Variants in ZNF589 observed in about 807,000 individuals in gnomAD.
ZNF589 encodes zinc finger protein 589.
Under a neutral mutation model 13.6 loss-of-function variants are expected in ZNF589, and 17 were observed. That is an observed-to-expected ratio of 1.25 (90% CI 0.86 to 1.88). The LOEUF (loss-of-function observed/expected upper bound fraction) is 1.88, where lower values mean the gene tolerates loss of function less well. ZNF589 is among the 40% of genes most tolerant of loss of function. ZNF589 has a pLI of 0.00. For missense variants in ZNF589, 407 were observed against 434.0 expected, an observed-to-expected ratio of 0.94 and a Z score of 0.55; for synonymous variants, 148 against 161.6, an observed-to-expected ratio of 0.92 and a Z score of 0.64.
chr3:48,247,623 A>G lies in ZNF589; in HGVS notation c.44-2A>G, dbSNP rs1453932218. 3.7e-6 allele frequency: 6 copies of G among 1,611,934 alleles called. No individual in the cohort carries two copies. The South Asian group carries it at 4.4e-5, about 12-fold the overall frequency. ...CTCAAGGTTGCTTCTTTCTTTCCCCAGCTCTGCCTGCCAAGGATTCTGCCT... is the reference window on the plus strand; with the variant it reads ...CTCAAGGTTGCTTCTTTCTTTCCCCGGCTCTGCCTGCCAAGGATTCTGCCT... On this transcript the variant is annotated splice_acceptor_variant, in intron 1 of 3. Coordinates refer to ENST00000354698, the MANE Select transcript of ZNF589 (RefSeq NM_016089.3). LOFTEE classifies it high-confidence loss of function.
rs187387684 is a variant in ZNF589, at chr3:48,250,089, C to T, written c.96+2412C>T. Among the ~76,000 whole-genome samples, 62 of 151,276 alleles carry T rather than the reference C, an allele frequency of 4.1e-4. No individual in the cohort carries two copies. In the East Asian group the frequency reaches 0.011, roughly 27 times the overall value. On this transcript the variant is annotated intron_variant, in intron 2 of 3. Coordinates refer to ENST00000354698, the MANE Select transcript of ZNF589 (RefSeq NM_016089.3). ...GTTGCAGTGAGCCGAGATCGAGCCA[C>T]TGCACTCCAGCCCAGGTGACAGAGC...
intron 2 of ZNF589, among the ~76,000 whole-genome samples, chr3:48,257,266 GTTTT>G (rs1368694165): frequency 7.3e-5 from 11 of 151,640 alleles, no homozygotes; most frequent in Non-Finnish European, 1.5e-4. Flanking sequence ...TTTGTTTTTT[GTTTT>G]TTGTTTTGAG....
chr3:48,247,511 T>A, intron 1 of ZNF589, 114 bp from the exon 2 acceptor site: 2 of 1,081,538 alleles, frequency 1.8e-6, no homozygotes, highest in Non-Finnish European at 2.7e-6. Flanking sequence ...GCTCAGGGTC[T>A]GGGTCAGCTG....
rs1473514994 is a variant in ZNF589, at chr3:48,270,163, C to T, written c.*1377C>T. The T allele has an allele frequency of 2.2e-6, 1 of 457,078 alleles. No homozygotes were observed. Among genetic ancestry groups the T allele is most frequent in the Non-Finnish European group, 4.4e-6 (1 of 227,038 alleles). 28.3% of individuals were successfully genotyped at this position (457,078 alleles called of 1,614,324 possible). ...TCTACATCTCTAGCCTTTGCTGTTT[C>T]CTCTCCTACCCCACCTTTAGATTTT... On this transcript the variant is annotated 3_prime_UTR_variant, in exon 4 of 4. Transcript: ENST00000354698.
At chr3:48,257,204 C>G (rs2033912968) in intron 2 of ZNF589, among the ~76,000 whole-genome samples, 1 of 151,968 alleles carries the variant, frequency 6.6e-6, no homozygotes, top group Non-Finnish European at 1.5e-5. Context: ...GCTTTGTGTT[C>G]TGGAAGAGAT....
In ZNF589 at chr3:48,245,790, T is replaced by A. The variant is rs180936148; in HGVS notation, c.44-1835T>A. Among the ~76,000 whole-genome samples, 142 of 150,280 alleles carry A rather than the reference T, an allele frequency of 9.4e-4. 5 individuals carry two copies. In the East Asian group the frequency reaches 0.025, roughly 27 times the overall value. The stretch of plus-strand genomic sequence containing the variant: ...GGTGAAACCCTGTCTCTACCAAAAA[T>A]ACGAAAATTAGCCAGGCATGGTGGC... On this transcript the variant is annotated intron_variant, in intron 1 of 3. Transcript: ENST00000354698.
At chr3:48,261,252 C>A (rs1276390031) in intron 3 of ZNF589, among the ~76,000 whole-genome samples, 1 of 152,044 alleles carries the variant, frequency 6.6e-6, no homozygotes, top group Non-Finnish European at 1.5e-5. Context: ...ACTGGCTGAA[C>A]TTTTAAATTG....
At chr3:48,251,231 A>G (rs1196727107) in intron 2 of ZNF589, among the ~76,000 whole-genome samples, 1 of 152,064 alleles carries the variant, frequency 6.6e-6, no homozygotes, top group Non-Finnish European at 1.5e-5. Context: ...GAGCAGAGGA[A>G]CCTATACAAA....
chr3:48,260,787 G>A (rs759179013), intron 2 of ZNF589, 26 bp from the exon 3 acceptor site: 1 of 1,613,922 alleles, frequency 6.2e-7, no homozygotes, highest in Admixed American at 1.7e-5. Flanking sequence ...GTGACTTGAT[G>A]AATATGAATT....
intron 2 of ZNF589, among the ~76,000 whole-genome samples, chr3:48,252,383 G>C (rs2033847811): frequency 6.6e-6 from 1 of 151,716 alleles, no homozygotes; most frequent in African/African-American, 2.4e-5. Flanking sequence ...AGTAGAGATG[G>C]GGTTTCACCG....
At chr3:48,263,608 A>G (rs955394207) in intron 3 of ZNF589, among the ~76,000 whole-genome samples, 1 of 152,078 alleles carries the variant, frequency 6.6e-6, no homozygotes, top group Admixed American at 6.5e-5. Flanking sequence ...AAAAACAAAA[A>G]AACAGGCCGG....
intron 1 of ZNF589, among the ~76,000 whole-genome samples, chr3:48,241,520 T>A (rs969812404): frequency 6.6e-6 from 1 of 152,252 alleles, no homozygotes; most frequent in African/African-American, 2.4e-5. Context: ...AACAGCATTT[T>A]GTATTATTAT....
intron 3 of ZNF589, among the ~76,000 whole-genome samples, chr3:48,262,183 C>T (rs894840518): frequency 2.0e-5 from 3 of 152,032 alleles, no homozygotes; most frequent in Admixed American, 1.3e-4. Flanking sequence ...TAAATAAGGA[C>T]ATTTTATTTT....
rs768628402 is a variant in ZNF589 at position 48,257,716 on chromosome 3, A to AT, written c.97-3089dup. ...ATATTTAAATTCGTGATTCATTTTG[A>AT]TTTTTTTTGTTTTTTGTTTTTAATA... On this transcript the variant is annotated intron_variant, in intron 2 of 3. Coordinates refer to ENST00000354698, the MANE Select transcript of ZNF589 (RefSeq NM_016089.3). Among the ~76,000 whole-genome samples the AT allele has an allele frequency of 1.3e-4, 19 of 149,480 alleles. No individual in the cohort carries two copies. The East Asian group carries it at 1.9e-3, about 15-fold the overall frequency.
intron 2 of ZNF589, chr3:48,256,381 C>T: frequency 1.8e-6 from 1 of 559,366 alleles, no homozygotes; most frequent in Non-Finnish European, 3.5e-6. Context: ...CCTTGAGTAG[C>T]AGACATTGTC....
chr3:48,267,987 A>G lies in ZNF589; in HGVS notation c.296A>G (p.Gln99Arg). 6.2e-7 allele frequency: 1 copy of G among 1,614,074 alleles called. No homozygotes were observed. The highest frequency in any genetic ancestry group is 8.5e-7 in the Non-Finnish European group (1 of 1,180,046). ...TTTGGCAGTCAGCAGTTCCTCAGCC[A>G]AGATGAGCTACACAATCATCCTATT... ...LAFGSQQFLS[Q>R]DELHNHPIPG... Residue 99 changes from glutamine (Q) to arginine (R), a missense_variant, in exon 4 of 4, where the codon CAA becomes CGA. Transcript: ENST00000354698.
intron 2 of ZNF589, among the ~76,000 whole-genome samples, chr3:48,250,327 T>A (rs867356109): frequency 1.9e-3 from 265 of 137,064 alleles, no homozygotes; most frequent in Middle Eastern, 7.3e-3. Context: ...TTTTTTTTTT[T>A]AATTAAATAG....
At position 48,269,675 on chromosome 3, in the gene ZNF589, C is replaced by T. The variant is rs549360854; in HGVS notation, c.*889C>T. On this transcript the variant is annotated 3_prime_UTR_variant, in exon 4 of 4. Transcript: ENST00000354698. ...ACAGCTCATCATACACCAGAAGATA[C>T]ACTCGGGGAAAAGCTTTAGAGGTGC... is the stretch of plus-strand genomic sequence containing the variant. 7 of 336,864 alleles carry T rather than the reference C, an allele frequency of 2.1e-5. No homozygotes were observed. The highest frequency in any genetic ancestry group is 2.9e-5 in the Non-Finnish European group (5 of 171,442). The allele number at this position is 336,864 out of a possible 1,614,324, so 20.9% of individuals were successfully genotyped here.
intron 3 of ZNF589, among the ~76,000 whole-genome samples, chr3:48,263,253 G>C (rs2033984978): frequency 6.6e-6 from 1 of 152,066 alleles, no homozygotes; most frequent in African/African-American, 2.4e-5. Flanking sequence ...GGGATTACAG[G>C]CACGTGCCAC....
Sources: allele counts gnomAD v4.1 joint callset (sites outside exome capture counted in the v4.1 genomes callset), GRCh38; gene constraint gnomAD v4.1.1; transcripts MANE v1.5; gene names NCBI Gene and HGNC (gene_info 2026-07-23, HGNC 2026-07-21).